The following RAPGEF6 variants were observed in gnomAD, a reference collection of about 807,000 sequenced individuals.
RAPGEF6 encodes Rap guanine nucleotide exchange factor 6.
RAPGEF6 carries 56 observed loss-of-function variants against 171.4 expected under a neutral mutation model. The observed-to-expected ratio is 0.33, with a 90% CI of 0.26 to 0.41. The LOEUF (loss-of-function observed/expected upper bound fraction) is 0.41, where lower values mean the gene tolerates loss of function less well. RAPGEF6 is among the 10% of genes least tolerant of loss of function. The pLI is 1.00. For missense variants in RAPGEF6, 1,674 were observed against 1,921.4 expected, an observed-to-expected ratio of 0.87 and a Z score of 2.41; for synonymous variants, 692 against 650.1, an observed-to-expected ratio of 1.06 and a Z score of -0.98.
chr5:131,516,387 A>G (rs1235337315), intron 7 of RAPGEF6, among the ~76,000 whole-genome samples: 1 of 152,204 alleles, frequency 6.6e-6, no homozygotes, highest in African/African-American at 2.4e-5. Context: ...GTAAGAGAAC[A>G]TGTGGTGACT....
At chr5:131,533,272 C>T (rs1393352789) in intron 6 of RAPGEF6, among the ~76,000 whole-genome samples, 1 of 151,566 alleles carries the variant, frequency 6.6e-6, no homozygotes, top group African/African-American at 2.4e-5. Context: ...AAAAAATTGG[C>T]TTGAGCACCC....
chr5:131,582,642 A>C (rs1219634874), intron 4 of RAPGEF6, among the ~76,000 whole-genome samples: 3 of 152,250 alleles, frequency 2.0e-5, no homozygotes, highest in Non-Finnish European at 4.4e-5. Context: ...AACACAATTA[A>C]GAGGGAAAAT....
chr5:131,424,151 T>C lies in RAPGEF6; in HGVS notation c.*3115A>G, dbSNP rs527325082. ...ACCTTACAATCAATGAATTGTGCAG[T>C]AGAATTGCTATCTGATTATTACAGA... is the stretch of plus-strand genomic sequence containing the variant. On this transcript the variant is annotated 3_prime_UTR_variant, in exon 28 of 28. Transcript: ENST00000509018. 6.6e-6 allele frequency: 1 copy of C among 152,468 alleles called. No individual in the cohort carries two copies. The highest frequency in any genetic ancestry group is 2.4e-5 in the African/African-American group (1 of 41,580). The allele number at this position is 152,468 out of a possible 1,614,324, so 9.4% of individuals were successfully genotyped here. A position where few individuals can be genotyped will look rare whatever the true frequency, so the allele number is the denominator to read the frequency against.
At chr5:131,578,186 CTTTTT>C (rs538828215) in intron 4 of RAPGEF6, among the ~76,000 whole-genome samples, 1 of 151,918 alleles carries the variant, frequency 6.6e-6, no homozygotes, top group African/African-American at 2.4e-5. Context: ...TGATGAAGTC[CTTTTT>C]TTTAACTTTT....
chr5:131,451,812 T>A (rs1753095060), intron 21 of RAPGEF6, among the ~76,000 whole-genome samples: 1 of 152,172 alleles, frequency 6.6e-6, no homozygotes, highest in Admixed American at 6.5e-5. Context: ...AGAAATTGTG[T>A]CGGCCCCTGT....
intron 7 of RAPGEF6, among the ~76,000 whole-genome samples, chr5:131,511,467 G>A (rs936573500): frequency 3.4e-5 from 5 of 145,312 alleles, no homozygotes; most frequent in African/African-American, 1.3e-4. Context: ...CTTTTTTACT[G>A]CCAAAAAGAT....
chr5:131,623,760 C>T (rs887831999), intron 1 of RAPGEF6, among the ~76,000 whole-genome samples: 2 of 152,184 alleles, frequency 1.3e-5, no homozygotes, highest in Admixed American at 6.5e-5. Context: ...GCTGGGATTA[C>T]AGGCGTGAGC....
At chr5:131,619,146 G>C (rs545466714) in intron 1 of RAPGEF6, among the ~76,000 whole-genome samples, 3 of 151,872 alleles carry the variant, frequency 2.0e-5, no homozygotes, top group East Asian at 3.9e-4. Context: ...AAATGAAACA[G>C]AGGTGTGAGA....
intron 1 of RAPGEF6, among the ~76,000 whole-genome samples, chr5:131,618,909 C>T (rs1413225528): frequency 1.3e-5 from 2 of 152,008 alleles, no homozygotes; most frequent in Non-Finnish European, 2.9e-5. Flanking sequence ...GAAGTACAGA[C>T]CACCACCTAT....
At chr5:131,574,303 C>G (rs1762474734) in intron 4 of RAPGEF6, among the ~76,000 whole-genome samples, 1 of 152,188 alleles carries the variant, frequency 6.6e-6, no homozygotes, top group Non-Finnish European at 1.5e-5. Flanking sequence ...CCTTGGCCAA[C>G]TCCTTCCCAG....
intron 4 of RAPGEF6, among the ~76,000 whole-genome samples, chr5:131,566,328 T>G (rs1030693839): frequency 2.7e-4 from 41 of 152,336 alleles, no homozygotes; most frequent in African/African-American, 9.9e-4. Flanking sequence ...TCTGCATTTA[T>G]TGAAAGGATC....
At position 131,439,718 on chromosome 5, in the gene RAPGEF6, A is replaced by C; in HGVS notation, c.3611-3T>G. 6.2e-7 allele frequency: 1 copy of C among 1,608,854 alleles called. No individual in the cohort carries two copies. Among genetic ancestry groups the C allele is most frequent in the Non-Finnish European group, 8.5e-7 (1 of 1,178,598 alleles). ...AACTTTCTGAGGTAAACTTGTATCT[A>C]AAAATAAAACCAAAGATGCAAATAA... On this transcript the variant is annotated splice_polypyrimidine_tract_variant and splice_region_variant and intron_variant, in intron 23 of 27. Coordinates refer to ENST00000509018, the MANE Select transcript of RAPGEF6 (RefSeq NM_016340.6).
intron 1 of RAPGEF6, among the ~76,000 whole-genome samples, chr5:131,632,298 A>G (rs1766364760): frequency 6.6e-6 from 1 of 152,128 alleles, no homozygotes; most frequent in South Asian, 2.1e-4. Flanking sequence ...CATGCTCTCA[A>G]CATAGGGCCT....
chr5:131,459,386 T>C (rs1485932103), intron 19 of RAPGEF6, among the ~76,000 whole-genome samples: 2 of 152,170 alleles, frequency 1.3e-5, no homozygotes, highest in African/African-American at 2.4e-5. Context: ...TTAACCTTAT[T>C]AGGTAGGAAC....
At position 131,604,634 on chromosome 5, in the gene RAPGEF6, T is replaced by C. The variant is rs1303825747; in HGVS notation, c.129A>G (p.Glu43=). The change falls in exon 2 of 28, where the codon GAA becomes GAG. Residue 43 remains glutamate (E), a synonymous_variant. Transcript: ENST00000509018. Reference sequence around the variant, plus strand: ...AGAACGACACTTACCTAAGCTGATGTTCCCTGAGATTTGATAATATTTCCA... The same window carrying C: ...AGAACGACACTTACCTAAGCTGATGCTCCCTGAGATTTGATAATATTTCCA... ...HGMEILSNLR[E]HQLRLMSARA... The C allele has an allele frequency of 4.3e-6, 7 of 1,612,366 alleles. 1 individual carries two copies. In the South Asian group the frequency reaches 5.5e-5, roughly 13 times the overall value.
At chr5:131,452,225 A>AC (rs1293270063) in intron 21 of RAPGEF6, among the ~76,000 whole-genome samples, 85 of 151,830 alleles carry the variant, frequency 5.6e-4, no homozygotes, top group African/African-American at 2.0e-3. Flanking sequence ...GTCTCAAAAA[A>AC]AAAAAAAAAT....
In RAPGEF6 at chr5:131,426,733, G is replaced by T; in HGVS notation, c.*533C>A. On this transcript the variant is annotated 3_prime_UTR_variant, in exon 28 of 28. Transcript: ENST00000509018. The stretch of plus-strand genomic sequence containing the variant: ...ACCTCTGTAAAGATGACTTCTGTTT[G>T]GTCAGACCAGAGACAATTTTATGAC... 7.3e-5 allele frequency: 12 copies of T among 165,202 alleles called. No homozygotes were observed. The highest frequency in any genetic ancestry group is 1.8e-4 in the East Asian group (1 of 5,438). 10.2% of individuals were successfully genotyped at this position (165,202 alleles called of 1,614,324 possible). A position where few individuals can be genotyped will look rare whatever the true frequency, so the allele number is the denominator to read the frequency against.
chr5:131,549,614 G>A (rs1760783407), intron 5 of RAPGEF6, among the ~76,000 whole-genome samples: 1 of 152,024 alleles, frequency 6.6e-6, no homozygotes, highest in Non-Finnish European at 1.5e-5. Flanking sequence ...GGGATGCTGG[G>A]GCGAGAGTAT....
At chr5:131,449,651 T>C (rs1435010878) in intron 21 of RAPGEF6, among the ~76,000 whole-genome samples, 2 of 152,178 alleles carry the variant, frequency 1.3e-5, no homozygotes, top group Non-Finnish European at 2.9e-5. Flanking sequence ...ATCCATACTA[T>C]GGAAAGAAAA....
Sources: gnomAD v4.1 joint callset for allele counts (sites outside exome capture counted in the v4.1 genomes callset) on GRCh38, gnomAD v4.1.1 for gene constraint, MANE v1.5 for transcripts, NCBI Gene and HGNC (gene_info 2026-07-23, HGNC 2026-07-21) for gene names.